FANCL: variants seen among roughly 807,000 people sequenced by gnomAD.
FANCL encodes FA complementation group L.
A neutral mutation model predicts 59.4 loss-of-function variants in FANCL; 69 were observed. The observed-to-expected ratio is 1.16, with a 90% CI of 0.96 to 1.42. The LOEUF (loss-of-function observed/expected upper bound fraction) is 1.42, where lower values mean the gene tolerates loss of function less well. FANCL is among the 40% of genes most tolerant of loss of function. FANCL has a pLI of 0.00. For missense variants in FANCL, 519 were observed against 447.2 expected (o/e 1.16, Z -1.45); for synonymous variants, 180 against 147.1 (o/e 1.22, Z -1.62).
intron 5 of FANCL, among the ~76,000 whole-genome samples, chr2:58,211,701 T>C (rs552115805): frequency 6.6e-6 from 1 of 152,354 alleles, no homozygotes; most frequent in East Asian, 1.9e-4. Flanking sequence ...AGAAATTTCT[T>C]CCACCAGATA....
intron 7 of FANCL, among the ~76,000 whole-genome samples, chr2:58,187,674 T>C (rs1048655933): frequency 3.9e-5 from 6 of 152,168 alleles, no homozygotes; most frequent in Middle Eastern, 3.2e-3. Context: ...CCCTAAGAGC[T>C]AAGTAAATAT....
At chr2:58,234,186 T>G (rs975377897) in intron 1 of FANCL, among the ~76,000 whole-genome samples, 4 of 151,958 alleles carry the variant, frequency 2.6e-5, no homozygotes, top group African/African-American at 9.7e-5. Context: ...ACAGACTCCA[T>G]GCAAACAAAA....
rs975755966 is a variant in FANCL, at chr2:58,163,431, T to C, written c.775+3A>G. 3 of 1,599,966 alleles carry C rather than the reference T, an allele frequency of 1.9e-6. No individual in the cohort carries two copies. The highest frequency in any genetic ancestry group is 1.1e-5 in the South Asian group (1 of 90,744). On this transcript the variant is annotated splice_donor_region_variant and intron_variant, in intron 9 of 13. Transcript: ENST00000233741. ...AAAAACGTTTAAATCTCAGATGTCA[T>C]ACCATGGTCAGCTCCAAGAAAGAAG...
intron 1 of FANCL, among the ~76,000 whole-genome samples, chr2:58,238,763 C>T (rs753725513): frequency 6.6e-6 from 1 of 151,992 alleles, no homozygotes; most frequent in Non-Finnish European, 1.5e-5. Context: ...GGACCTTCCA[C>T]GAGAAAATTT....
intron 6 of FANCL, among the ~76,000 whole-genome samples, chr2:58,202,934 A>G (rs1168976014): frequency 1.3e-5 from 2 of 151,734 alleles, no homozygotes; most frequent in African/African-American, 4.8e-5. Flanking sequence ...ACTAAGGTAC[A>G]AAATATAAAC....
chr2:58,159,967 T>C, intron 13 of FANCL, 141 bp downstream of exon 13: 1 of 1,527,076 alleles, frequency 6.5e-7, no homozygotes, highest in Non-Finnish European at 8.8e-7. Context: ...ATGTTTTTGA[T>C]CAGAGAATTT....
At chr2:58,200,790 TA>T (rs1689932895) in intron 6 of FANCL, among the ~76,000 whole-genome samples, 1 of 151,880 alleles carries the variant, frequency 6.6e-6, no homozygotes, top group Non-Finnish European at 1.5e-5. Context: ...CCTACATATA[TA>T]AATGAGTCCA....
At chr2:58,189,118 GA>G (rs1160988731) in intron 7 of FANCL, among the ~76,000 whole-genome samples, 1 of 152,168 alleles carries the variant, frequency 6.6e-6, no homozygotes, top group Non-Finnish European at 1.5e-5. Flanking sequence ...GGACTAAAGG[GA>G]GGGACAATAA....
At chr2:58,195,149 A>G (rs972291906) in intron 7 of FANCL, among the ~76,000 whole-genome samples, 1 of 152,114 alleles carries the variant, frequency 6.6e-6, no homozygotes, top group Non-Finnish European at 1.5e-5. Flanking sequence ...CCACAAGCAG[A>G]ATTGTTTTCA....
Position 58,162,925 on chromosome 2 carries a change from G to C in FANCL, c.844C>G (p.Gln282Glu), listed in dbSNP as rs141444545. Residue 282 changes from glutamine to glutamate, a missense_variant, in exon 11 of 14, where the codon CAA (glutamine) becomes GAA (glutamate). Transcript: ENST00000233741. ...ATTTCTAAAACATCTTTCAAATTTT[G>C]TAACACACTATTTTCTGGATCCCTG... ...HLWDPENSVL[Q>E]NLKDVLEIDF... 2 of 1,612,768 alleles carry C rather than the reference G, an allele frequency of 1.2e-6. No homozygotes were observed. Among genetic ancestry groups the C allele is most frequent in the Admixed American group, 1.7e-5 (1 of 59,898 alleles).
intron 2 of FANCL, 107 bp downstream of exon 2, chr2:58,231,947 T>C (rs1287960841): frequency 1.1e-6 from 1 of 883,356 alleles, no homozygotes; most frequent in Non-Finnish European, 1.9e-6. Context: ...AAATGACTAA[T>C]AAGCATTTTA....
chr2:58,171,552 G>A (rs560320280), intron 7 of FANCL, among the ~76,000 whole-genome samples: 88 of 152,102 alleles, frequency 5.8e-4, no homozygotes, highest in African/African-American at 2.0e-3. Context: ...ATAGAGACAC[G>A]AAAAACCCTT....
At chr2:58,233,754 C>A (rs1693779815) in intron 1 of FANCL, among the ~76,000 whole-genome samples, 1 of 151,852 alleles carries the variant, frequency 6.6e-6, no homozygotes, top group African/African-American at 2.4e-5. Flanking sequence ...AAAATAGTAA[C>A]AAGCTCTGGT....
intron 13 of FANCL, 31 bp downstream of exon 13, chr2:58,160,077 T>C: frequency 6.2e-7 from 1 of 1,610,186 alleles, no homozygotes. Flanking sequence ...GCTAGGCACA[T>C]TTTATGAGAT....
chr2:58,189,671 T>C (rs575327472), intron 7 of FANCL, among the ~76,000 whole-genome samples: 6 of 152,190 alleles, frequency 3.9e-5, no homozygotes, highest in African/African-American at 1.4e-4. Context: ...TAAAAGCATT[T>C]TGTTACTTTC....
chr2:58,233,577 G>A (rs959163979), intron 1 of FANCL, among the ~76,000 whole-genome samples: 1 of 151,872 alleles, frequency 6.6e-6, no homozygotes, highest in East Asian at 1.9e-4. Flanking sequence ...TCAGCCAGAA[G>A]ACAGGGTACA....
chr2:58,223,991 T>C (rs1692726777), intron 4 of FANCL, among the ~76,000 whole-genome samples: 1 of 151,886 alleles, frequency 6.6e-6, no homozygotes, highest in Non-Finnish European at 1.5e-5. Context: ...AAATGAGCAA[T>C]AAAATCACCA....
chr2:58,166,368 CA>C (rs1685954763), intron 7 of FANCL, among the ~76,000 whole-genome samples: 1 of 152,038 alleles, frequency 6.6e-6, no homozygotes, highest in African/African-American at 2.4e-5. Flanking sequence ...CCTAATTAGG[CA>C]GAGTATGAAA....
Position 58,204,129 on chromosome 2 carries a change from C to T in FANCL, c.471+1G>A. 1 of 1,606,454 alleles carries T rather than the reference C, an allele frequency of 6.2e-7. No homozygotes were observed. The highest frequency in any genetic ancestry group is 8.5e-7 in the Non-Finnish European group (1 of 1,173,272). ...CAATAACAGTTTAACGAGGCACATA[C>T]CTTTGCCTTCAACTTGAGAGTGATT... On this transcript the variant is annotated splice_donor_variant, in intron 6 of 13. Transcript: ENST00000233741. LOFTEE classifies it high-confidence loss of function.
Sources: gnomAD v4.1 joint callset for allele counts (sites outside exome capture counted in the v4.1 genomes callset) on GRCh38, gnomAD v4.1.1 for gene constraint, MANE v1.5 for transcripts, NCBI Gene and HGNC (gene_info 2026-07-23, HGNC 2026-07-21) for gene names.